Variants in RFX3 observed in about 807,000 individuals in gnomAD.
RFX3 encodes transcription factor RFX3.
In RFX3, 14 loss-of-function variants were observed where a neutral mutation model predicts 98.6. The ratio of observed to expected loss-of-function variants is 0.14; its 90% CI spans 0.09 to 0.22. RFX3 has a LOEUF of 0.22. Ranked by LOEUF, RFX3 falls within the 10% of genes least tolerant of loss-of-function variation. The pLI is 1.00. For synonymous variants in RFX3, 383 were observed against 328.4 expected, an observed-to-expected ratio of 1.17 and a Z score of -1.80; for missense variants, 639 against 926.9, an observed-to-expected ratio of 0.69 and a Z score of 4.03.
chr9:3,270,248 G>A (rs1824255809), intron 11 of RFX3, 123 bp downstream of exon 11: 1 of 1,029,164 alleles, frequency 9.7e-7, no homozygotes, highest in African/African-American at 1.6e-5. Context: ...TGTGTTGCAT[G>A]TTTTCTATCT....
At chr9:3,514,209 T>G (rs1021994373) in intron 1 of RFX3, among the ~76,000 whole-genome samples, 1 of 152,090 alleles carries the variant, frequency 6.6e-6, no homozygotes, top group Non-Finnish European at 1.5e-5. Flanking sequence ...CTCAAGAAAA[T>G]AGCACTAAGG....
intron 4 of RFX3, chr9:3,324,269 T>C (rs192861410): frequency 1.7e-4 from 35 of 207,596 alleles, no homozygotes; most frequent in African/African-American, 7.7e-4. Context: ...ATAAGAACTG[T>C]GATTTATGCA....
At chr9:3,344,613 C>A in intron 3 of RFX3, 1 of 535,220 alleles carries the variant, frequency 1.9e-6, no homozygotes, top group Non-Finnish European at 3.3e-6. Context: ...CTGCCCTTTT[C>A]CCTTGTCACA....
At chr9:3,343,143 A>G (rs761955943) in intron 3 of RFX3, among the ~76,000 whole-genome samples, 8 of 152,208 alleles carry the variant, frequency 5.3e-5, no homozygotes, top group African/African-American at 1.7e-4. Flanking sequence ...GTGACGACAC[A>G]TATCTGTGAG....
chr9:3,427,205 C>A (rs1488687518), intron 1 of RFX3, among the ~76,000 whole-genome samples: 2 of 142,912 alleles, frequency 1.4e-5, no homozygotes, highest in South Asian at 2.2e-4. Context: ...ATATACTATA[C>A]TATATAATAA....
At chr9:3,416,531 G>C (rs1842996975) in intron 1 of RFX3, among the ~76,000 whole-genome samples, 2 of 152,154 alleles carry the variant, frequency 1.3e-5, no homozygotes, top group Admixed American at 1.3e-4. Flanking sequence ...GGCATCTGAA[G>C]TGAGAAATTC....
At chr9:3,316,857 C>A (rs184775402) in intron 4 of RFX3, among the ~76,000 whole-genome samples, 1 of 151,918 alleles carries the variant, frequency 6.6e-6, no homozygotes, top group Non-Finnish European at 1.5e-5. Context: ...TACTGCTCAA[C>A]GAAATAAAAG....
chr9:3,515,467 C>T (rs1466250173), intron 1 of RFX3, among the ~76,000 whole-genome samples: 1 of 152,230 alleles, frequency 6.6e-6, no homozygotes, highest in South Asian at 2.1e-4. Context: ...TCTCCCACCT[C>T]CCTACGCCCC....
At chr9:3,471,395 G>C (rs1564145247) in intron 1 of RFX3, among the ~76,000 whole-genome samples, 1 of 152,180 alleles carries the variant, frequency 6.6e-6, no homozygotes, top group African/African-American at 2.4e-5. Flanking sequence ...GTAAAGCCAA[G>C]TCTCAAACAG....
intron 2 of RFX3, among the ~76,000 whole-genome samples, chr9:3,356,274 T>A (rs1587281627): frequency 6.6e-6 from 1 of 151,308 alleles, no homozygotes. Context: ...AACAGCAAGG[T>A]AGACTTATCA....
intron 2 of RFX3, among the ~76,000 whole-genome samples, chr9:3,362,908 A>G (rs1836623433): frequency 6.6e-6 from 1 of 152,188 alleles, no homozygotes; most frequent in South Asian, 2.1e-4. Context: ...GTTACTCAGG[A>G]AAGATTTAGT....
At chr9:3,409,752 A>C (rs979507542) in intron 1 of RFX3, among the ~76,000 whole-genome samples, 1 of 152,228 alleles carries the variant, frequency 6.6e-6, no homozygotes, top group African/African-American at 2.4e-5. Flanking sequence ...TTGGTGAAGG[A>C]GTAATCGGTT....
intron 1 of RFX3, chr9:3,524,590 T>A: frequency 1.0e-6 from 1 of 982,292 alleles, no homozygotes; most frequent in Non-Finnish European, 1.2e-6. Context: ...ACCATAACTG[T>A]CACAAATAAC....
chr9:3,423,817 A>C (rs975384607), intron 1 of RFX3, among the ~76,000 whole-genome samples: 2 of 138,064 alleles, frequency 1.4e-5, no homozygotes, highest in Admixed American at 7.3e-5. Context: ...ATATATCTTA[A>C]GGTAATTTTT....
rs146924591 is a variant in RFX3, at chr9:3,428,492, T to C, written c.-8-32896A>G. Among the ~76,000 whole-genome samples, 97 of 152,322 alleles carry C rather than the reference T, an allele frequency of 6.4e-4. 1 individual carries two copies. Among genetic ancestry groups the C allele is most frequent in the Admixed American group, 3.1e-3 (47 of 15,304 alleles). ...TTATAAAGTCTTTCTTCCCATACTT[T>C]TCCTTTTTCATGAACAAGCAAAATA... On this transcript the variant is annotated intron_variant, in intron 1 of 16. Coordinates refer to ENST00000617270, the MANE Select transcript of RFX3 (RefSeq NM_001282116.2).
chr9:3,359,289 GAAGTT>G (rs1378994567), intron 2 of RFX3, among the ~76,000 whole-genome samples: 23 of 152,242 alleles, frequency 1.5e-4, no homozygotes, highest in Admixed American at 1.1e-3. Flanking sequence ...GAGAAGTTAA[GAAGTT>G]AAGACCCTCA....
intron 4 of RFX3, among the ~76,000 whole-genome samples, chr9:3,321,552 T>A (rs1733264689): frequency 6.6e-6 from 1 of 152,210 alleles, no homozygotes; most frequent in African/African-American, 2.4e-5. Flanking sequence ...TCTGTTTTTG[T>A]TATTTTTTCT....
intron 1 of RFX3, among the ~76,000 whole-genome samples, chr9:3,498,688 G>C (rs932135554): frequency 6.6e-6 from 1 of 152,056 alleles, no homozygotes; most frequent in African/African-American, 2.4e-5. Flanking sequence ...TGCACAAACA[G>C]CAGTAGTTTT....
chr9:3,342,169 G>T (rs1260947037), intron 3 of RFX3, among the ~76,000 whole-genome samples: 3 of 152,164 alleles, frequency 2.0e-5, no homozygotes, highest in Non-Finnish European at 4.4e-5. Context: ...ATATATATTA[G>T]TGTACCATTT....
Sources: allele counts gnomAD v4.1 joint callset (sites outside exome capture counted in the v4.1 genomes callset), GRCh38; gene constraint gnomAD v4.1.1; transcripts MANE v1.5; gene names NCBI Gene and HGNC (gene_info 2026-07-23, HGNC 2026-07-21).